The following SMYD3 variants were observed in gnomAD, a reference collection of about 807,000 sequenced individuals.
SMYD3 encodes histone-lysine N-methyltransferase SMYD3.
A neutral mutation model predicts 57.7 loss-of-function variants in SMYD3; 36 were observed. The ratio of observed to expected loss-of-function variants is 0.62; its 90% CI spans 0.48 to 0.82. SMYD3 has a LOEUF of 0.82. Among genes scored for constraint, SMYD3 ranks in the 40% least tolerant of loss-of-function variants. The pLI is 0.00. For missense variants in SMYD3, 515 were observed against 538.8 expected (o/e 0.96, Z 0.44); for synonymous variants, 211 against 195.0 (o/e 1.08, Z -0.68).
chr1:245,818,189 A>G (rs1354302300), intron 10 of SMYD3, among the ~76,000 whole-genome samples: 1 of 152,252 alleles, frequency 6.6e-6, no homozygotes, highest in African/African-American at 2.4e-5. Context: ...TCAGACTAAC[A>G]GCGGATCTCT....
chr1:246,294,051 G>A (rs995321520), intron 5 of SMYD3, among the ~76,000 whole-genome samples: 5 of 151,944 alleles, frequency 3.3e-5, no homozygotes, highest in African/African-American at 7.3e-5. Flanking sequence ...CCTCTCAGTC[G>A]CCTTTGCTGG....
chr1:245,767,063 T>C (rs2046145000), intron 10 of SMYD3, among the ~76,000 whole-genome samples: 1 of 152,094 alleles, frequency 6.6e-6, no homozygotes, highest in Admixed American at 6.5e-5. Flanking sequence ...GGAAAGCTGG[T>C]CAAGCTCACT....
chr1:245,845,430 A>G (rs1240656398), intron 10 of SMYD3, among the ~76,000 whole-genome samples: 1 of 152,174 alleles, frequency 6.6e-6, no homozygotes. Flanking sequence ...TTCTGGCTAT[A>G]TTACTTAATG....
chr1:246,327,678 T>C (rs1161425472), intron 4 of SMYD3, among the ~76,000 whole-genome samples: 1 of 152,218 alleles, frequency 6.6e-6, no homozygotes, highest in Non-Finnish European at 1.5e-5. Context: ...CAGTTCTTAT[T>C]AAGTCAGTAA....
At chr1:246,237,542 G>C in intron 5 of SMYD3, among the ~76,000 whole-genome samples, 1 of 138,802 alleles carries the variant, frequency 7.2e-6, no homozygotes, top group East Asian at 2.9e-4. Flanking sequence ...CCAGCTTCCT[G>C]GTTAATCTCA....
intron 5 of SMYD3, among the ~76,000 whole-genome samples, chr1:246,180,180 TACATATAGTAGAAAAATATATATAC>T (rs1338711762): frequency 1.3e-5 from 2 of 148,294 alleles, no homozygotes; most frequent in Non-Finnish European, 3.0e-5. Context: ...AATATATATC[TACATATAGTAGAAAAATATATATAC>T]ACATATATTA....
intron 5 of SMYD3, among the ~76,000 whole-genome samples, chr1:246,288,518 G>A (rs2064619668): frequency 6.6e-6 from 1 of 152,122 alleles, no homozygotes; most frequent in African/African-American, 2.4e-5. Flanking sequence ...CCCCAGAGTG[G>A]AGAGATGGCA....
intron 5 of SMYD3, among the ~76,000 whole-genome samples, chr1:246,182,273 C>T (rs1173175735): frequency 6.6e-6 from 1 of 152,128 alleles, no homozygotes; most frequent in Non-Finnish European, 1.5e-5. Context: ...CGCCATCTCC[C>T]TTCCTTCCCC....
At chr1:245,751,268 G>C (rs904627749) in intron 11 of SMYD3, among the ~76,000 whole-genome samples, 5 of 152,170 alleles carry the variant, frequency 3.3e-5, no homozygotes, top group Admixed American at 2.6e-4. Flanking sequence ...GAATTCTTGA[G>C]CATGAACATC....
At chr1:246,362,406 GCTCTCCCTCTCC>G (rs573466858) in intron 1 of SMYD3, among the ~76,000 whole-genome samples, 2 of 145,446 alleles carry the variant, frequency 1.4e-5, no homozygotes, top group African/African-American at 5.2e-5. Flanking sequence ...CTGAATTATA[GCTCTCCCTCTCC>G]CTCTCCCTCT....
rs976017012 is a variant in SMYD3 at position 245,910,705 on chromosome 1, G to T, written c.813+4825C>A. 2.6e-5 allele frequency among the ~76,000 whole-genome samples: 4 copies of T among 152,054 alleles called. No individual in the cohort carries two copies. The South Asian group carries it at 8.3e-4, about 32-fold the overall frequency. ...AAATCTAGATAGCCCATATGCAAAAGAATAAAACTAGACCCCTATCTCTCC... is the reference window on the plus strand; with the variant it reads ...AAATCTAGATAGCCCATATGCAAAATAATAAAACTAGACCCCTATCTCTCC... On this transcript the variant is annotated intron_variant, in intron 8 of 11. Transcript: ENST00000490107.
intron 5 of SMYD3, among the ~76,000 whole-genome samples, chr1:246,320,473 A>G (rs1237502424): frequency 6.6e-6 from 1 of 152,202 alleles, no homozygotes; most frequent in Non-Finnish European, 1.5e-5. Context: ...ACAACATTAT[A>G]AAGTTCAGCA....
At chr1:246,415,491 T>C (rs578144509) in intron 1 of SMYD3, among the ~76,000 whole-genome samples, 3 of 152,228 alleles carry the variant, frequency 2.0e-5, no homozygotes, top group Admixed American at 6.5e-5. Context: ...TGACCCAGAG[T>C]TGAGGTAAAT....
chr1:246,490,242 A>G (rs753019310), intron 1 of SMYD3, among the ~76,000 whole-genome samples: 2 of 152,218 alleles, frequency 1.3e-5, no homozygotes, highest in African/African-American at 2.4e-5. Context: ...CTAATAATTC[A>G]GCCAGTGACC....
chr1:246,498,937 C>T (rs1362307774), intron 1 of SMYD3, among the ~76,000 whole-genome samples: 1 of 151,316 alleles, frequency 6.6e-6, no homozygotes, highest in African/African-American at 2.4e-5. Context: ...TACAAGGGTG[C>T]ACACCATCCC....
At chr1:246,375,723 T>C (rs1345481189) in intron 1 of SMYD3, among the ~76,000 whole-genome samples, 1 of 151,740 alleles carries the variant, frequency 6.6e-6, no homozygotes, top group African/African-American at 2.4e-5. Flanking sequence ...AATTTTTTTA[T>C]TGTTGTTGTT....
chr1:245,815,945 C>T (rs2048780325), intron 10 of SMYD3, among the ~76,000 whole-genome samples: 1 of 152,192 alleles, frequency 6.6e-6, no homozygotes, highest in South Asian at 2.1e-4. Context: ...CAAGTGCCTA[C>T]TGGGACTGCC....
intron 5 of SMYD3, among the ~76,000 whole-genome samples, chr1:246,050,377 C>T (rs1049262712): frequency 5.3e-5 from 8 of 152,172 alleles, no homozygotes; most frequent in African/African-American, 1.9e-4. Flanking sequence ...AGGGCATCAT[C>T]CATAAAAGGT....
At chr1:246,049,668 C>T (rs1383759358) in intron 5 of SMYD3, among the ~76,000 whole-genome samples, 1 of 152,162 alleles carries the variant, frequency 6.6e-6, no homozygotes, top group Non-Finnish European at 1.5e-5. Context: ...CTGCGCTGTG[C>T]CAGTTCAGCT....
Sources: gnomAD v4.1 joint callset for allele counts (sites outside exome capture counted in the v4.1 genomes callset) on GRCh38, gnomAD v4.1.1 for gene constraint, MANE v1.5 for transcripts, NCBI Gene and HGNC (gene_info 2026-07-23, HGNC 2026-07-21) for gene names.